Variants in EVL observed in about 807,000 individuals in gnomAD.
EVL encodes Enah/Vasp-like.
A neutral mutation model predicts 59.6 loss-of-function variants in EVL; 21 were observed. The ratio of observed to expected loss-of-function variants is 0.35; its 90% CI spans 0.25 to 0.51. EVL has a LOEUF of 0.51. EVL is among the 20% of genes least tolerant of loss of function. The pLI, the probability that EVL is intolerant of heterozygous loss-of-function variation, is 0.97. For missense variants in EVL, 462 were observed against 546.6 expected (o/e 0.85, Z 1.54); for synonymous variants, 198 against 203.5 (o/e 0.97, Z 0.23).
At chr14:100,021,741 A>T (rs990253243) in intron 1 of EVL, among the ~76,000 whole-genome samples, 1 of 152,182 alleles carries the variant, frequency 6.6e-6, no homozygotes, top group Non-Finnish European at 1.5e-5. Context: ...GCAGATCTGG[A>T]GACCAGACTT....
chr14:100,041,058 T>C (rs2140232901), intron 1 of EVL, among the ~76,000 whole-genome samples: 1 of 152,312 alleles, frequency 6.6e-6, no homozygotes, highest in East Asian at 1.9e-4. Flanking sequence ...ATTAATAATA[T>C]ATTAATACAT....
At chr14:100,043,396 C>CCGCCCACATTGAGGGTAG in intron 1 of EVL, among the ~76,000 whole-genome samples, 1 of 146,600 alleles carries the variant, frequency 6.8e-6, no homozygotes, top group Non-Finnish European at 1.5e-5. Flanking sequence ...TACGATAGAC[C>CCGCCCACATTGAGGGTAG]GTCTGCACGC....
intron 1 of EVL, among the ~76,000 whole-genome samples, chr14:100,025,744 A>T (rs2061199207): frequency 1.3e-5 from 2 of 152,124 alleles, no homozygotes; most frequent in Non-Finnish European, 2.9e-5. Flanking sequence ...CCTGACCAAC[A>T]TGGAGAAACC....
intron 9 of EVL, chr14:100,137,228 C>T: frequency 3.1e-6 from 1 of 323,076 alleles, no homozygotes; most frequent in East Asian, 6.0e-5. Context: ...AGGGGCCTGG[C>T]CGCCACACCA....
rs570545144 is a variant in EVL, at chr14:100,137,217, G to A, written c.965-361G>A. On this transcript the variant is annotated intron_variant, in intron 9 of 13. Transcript: ENST00000392920. ...GCCCCTCAGTAGCAGGTGCCGGGCC[G>A]AGGGGCCTGGCCGCCACACCACACG... The A allele has an allele frequency of 2.0e-4, 60 of 301,740 alleles. No homozygotes were observed. The Middle Eastern group carries it at 3.1e-3, about 16-fold the overall frequency. The allele number at this position is 301,740 out of a possible 1,614,324, so 18.7% of individuals were successfully genotyped here. A position where few individuals can be genotyped will look rare whatever the true frequency, so the allele number is the denominator to read the frequency against.
At chr14:100,029,922 A>G (rs1046527978) in intron 1 of EVL, among the ~76,000 whole-genome samples, 3 of 152,148 alleles carry the variant, frequency 2.0e-5, no homozygotes, top group Non-Finnish European at 4.4e-5. Context: ...CCTCTGGGGA[A>G]TAAGTAGTAG....
At chr14:99,978,493 A>G (rs559650478) in intron 1 of EVL, among the ~76,000 whole-genome samples, 4 of 151,788 alleles carry the variant, frequency 2.6e-5, no homozygotes, top group South Asian at 2.1e-4. Flanking sequence ...TTTTTAAGTC[A>G]GTCATTTTTT....
rs1485429187 is a variant in EVL at position 100,143,747 on chromosome 14, C to A, written c.*9C>A. On this transcript the variant is annotated 3_prime_UTR_variant, in exon 14 of 14. Coordinates refer to ENST00000392920, the MANE Select transcript of EVL (RefSeq NM_016337.3). Reference sequence around the variant, plus strand: ...GGATCAGCACCACGTAAGGGGCCGGCCTCGCTGCGCTGATTCGTCGAGCCC... The same window carrying A: ...GGATCAGCACCACGTAAGGGGCCGGACTCGCTGCGCTGATTCGTCGAGCCC... 13 of 1,611,776 alleles carry A rather than the reference C, an allele frequency of 8.1e-6. No homozygotes were observed. The Admixed American group carries it at 1.7e-4, about 21-fold the overall frequency.
At chr14:100,141,509 C>A (rs1287249263) in intron 12 of EVL, among the ~76,000 whole-genome samples, 4 of 152,218 alleles carry the variant, frequency 2.6e-5, no homozygotes, top group Non-Finnish European at 1.5e-5. Flanking sequence ...CCCGAGGAAG[C>A]CCTTAGTTTC....
intron 1 of EVL, among the ~76,000 whole-genome samples, chr14:99,975,509 T>C (rs2060764135): frequency 6.6e-6 from 1 of 152,206 alleles, no homozygotes; most frequent in Admixed American, 6.5e-5. Context: ...CACAACTTTT[T>C]TGGCACCAGG....
intron 1 of EVL, among the ~76,000 whole-genome samples, chr14:100,081,220 G>A (rs578128120): frequency 6.6e-6 from 1 of 152,306 alleles, no homozygotes; most frequent in Admixed American, 6.5e-5. Context: ...TACAGAGTTT[G>A]AGTATTTATC....
At chr14:100,010,009 A>G (rs1333123687) in intron 1 of EVL, among the ~76,000 whole-genome samples, 1 of 144,162 alleles carries the variant, frequency 6.9e-6, no homozygotes, top group African/African-American at 2.5e-5. Flanking sequence ...CAGACTTTAG[A>G]GAGAGCACGT....
chr14:99,995,466 A>G (rs184671358), intron 1 of EVL, among the ~76,000 whole-genome samples: 10 of 151,382 alleles, frequency 6.6e-5, no homozygotes, highest in East Asian at 1.9e-4. Context: ...TTCTTTGTTG[A>G]TATTCTCATT....
intron 7 of EVL, 121 bp downstream of exon 7, chr14:100,129,805 G>A (rs1888317811): frequency 2.2e-6 from 3 of 1,373,998 alleles, no homozygotes; most frequent in Middle Eastern, 2.7e-4. Context: ...GTTTAGCCAA[G>A]CAGGGGAAAC....
chr14:100,121,693 G>A (rs1053136892), intron 3 of EVL, among the ~76,000 whole-genome samples: 1 of 152,174 alleles, frequency 6.6e-6, no homozygotes, highest in Non-Finnish European at 1.5e-5. Flanking sequence ...TTGGGAGGAC[G>A]TCAGCCCAGC....
chr14:99,991,960 CTGTGTG>C (rs58443751), intron 1 of EVL, among the ~76,000 whole-genome samples: 14,947 of 144,238 alleles, frequency 0.1, 1,110 homozygotes, highest in East Asian at 0.28. Context: ...AGGGTCAACT[CTGTGTG>C]TGTGTGTGTG....
At chr14:100,119,185 G>A (rs1029906229) in intron 3 of EVL, among the ~76,000 whole-genome samples, 1 of 152,234 alleles carries the variant, frequency 6.6e-6, no homozygotes, top group African/African-American at 2.4e-5. Flanking sequence ...TCTGTGGCAT[G>A]ATGGGTTCTT....
At chr14:99,991,619 G>A (rs1055655938) in intron 1 of EVL, among the ~76,000 whole-genome samples, 2 of 152,080 alleles carry the variant, frequency 1.3e-5, no homozygotes, top group Admixed American at 6.6e-5. Flanking sequence ...GATGTCTTTT[G>A]TTTCCAAAGT....
intron 1 of EVL, among the ~76,000 whole-genome samples, chr14:100,021,442 A>G (rs1595570136): frequency 6.6e-6 from 1 of 152,168 alleles, no homozygotes; most frequent in East Asian, 1.9e-4. Flanking sequence ...ATGTGACTGC[A>G]TTTTGTGACT....
Sources: gnomAD v4.1 joint callset for allele counts (sites outside exome capture counted in the v4.1 genomes callset) on GRCh38, gnomAD v4.1.1 for gene constraint, MANE v1.5 for transcripts, NCBI Gene and HGNC (gene_info 2026-07-23, HGNC 2026-07-21) for gene names.